OSBPL10: variants seen among roughly 807,000 people sequenced by gnomAD.
OSBPL10 encodes the protein oxysterol-binding protein-related protein 10.
In OSBPL10, 49 loss-of-function variants were observed where a neutral mutation model predicts 81.7. That is an observed-to-expected ratio of 0.60 (90% CI 0.48 to 0.76). OSBPL10 has a LOEUF of 0.76. OSBPL10 is among the 30% of genes least tolerant of loss of function. The probability of loss-of-function intolerance (pLI) is 0.00; values close to 1 mark genes in which losing one functional copy is unlikely to be tolerated. For missense variants in OSBPL10, 923 were observed against 987.8 expected, an observed-to-expected ratio of 0.93 and a Z score of 0.88; for synonymous variants, 419 against 383.6, an observed-to-expected ratio of 1.09 and a Z score of -1.08.
intron 1 of OSBPL10, among the ~76,000 whole-genome samples, chr3:31,891,687 G>T (rs186293715): frequency 6.6e-6 from 1 of 152,164 alleles, no homozygotes; most frequent in Non-Finnish European, 1.5e-5. Context: ...TTTTTGGGGG[G>T]TGCCAGTGCC....
intron 2 of OSBPL10, among the ~76,000 whole-genome samples, chr3:32,021,473 G>A (rs1242295523): frequency 6.6e-6 from 1 of 152,108 alleles, no homozygotes; most frequent in Non-Finnish European, 1.5e-5. Flanking sequence ...AAGGATTCCA[G>A]TTTCTCCACT....
intron 1 of OSBPL10, among the ~76,000 whole-genome samples, chr3:31,891,130 A>G (rs1244836981): frequency 1.3e-5 from 2 of 152,204 alleles, no homozygotes; most frequent in Non-Finnish European, 2.9e-5. Flanking sequence ...CTGAATTCAA[A>G]GTGTCCTTTA....
chr3:31,675,945 CAAA>C (rs773575072), intron 8 of OSBPL10, among the ~76,000 whole-genome samples: 5 of 59,176 alleles, frequency 8.4e-5, no homozygotes, highest in East Asian at 3.7e-4. Context: ...GACTCCATCT[CAAA>C]AAAAAAAAAA....
intron 4 of OSBPL10, among the ~76,000 whole-genome samples, chr3:31,790,845 C>T (rs1219942959): frequency 6.6e-6 from 1 of 152,190 alleles, no homozygotes; most frequent in Admixed American, 6.5e-5. Flanking sequence ...ACCTGGGCTG[C>T]ACATAAAGAT....
chr3:31,678,368 G>C (rs1208988859), intron 8 of OSBPL10, among the ~76,000 whole-genome samples: 1 of 152,184 alleles, frequency 6.6e-6, no homozygotes, highest in East Asian at 1.9e-4. Flanking sequence ...TGAACACATT[G>C]TGTGGGGAAG....
intron 1 of OSBPL10, among the ~76,000 whole-genome samples, chr3:31,894,204 C>T (rs976825533): frequency 1.3e-5 from 2 of 151,992 alleles, no homozygotes; most frequent in African/African-American, 4.8e-5. Flanking sequence ...AGCCCAGGAG[C>T]GGTCGGAGTT....
In OSBPL10 at chr3:31,827,649, A is replaced by T. The variant is rs75707440; in HGVS notation, c.729+2391T>A. On this transcript the variant is annotated intron_variant, in intron 4 of 11. Coordinates refer to ENST00000396556, the MANE Select transcript of OSBPL10 (RefSeq NM_017784.5). ...AGACTCTGTCTCAAAAAAAAAAAAA[A>T]TTTTTTTTAGATTGCTCTGTATAGA... Among the ~76,000 whole-genome samples the T allele has an allele frequency of 4.5e-4, 66 of 147,652 alleles. 1 individual carries two copies. The South Asian group carries it at 4.8e-3, about 11-fold the overall frequency.
intron 1 of OSBPL10, among the ~76,000 whole-genome samples, chr3:31,966,111 A>C (rs1228567919): frequency 2.0e-5 from 3 of 147,900 alleles, no homozygotes; most frequent in Admixed American, 7.0e-5. Context: ...CCTGAACAAC[A>C]TAGCAAGACC....
chr3:32,001,828 C>T (rs1699151374), intron 2 of OSBPL10, among the ~76,000 whole-genome samples: 2 of 152,082 alleles, frequency 1.3e-5, no homozygotes, highest in African/African-American at 4.8e-5. Context: ...AGGACAATGG[C>T]CCCACTCAAT....
At chr3:31,892,961 G>A (rs1695940799) in intron 1 of OSBPL10, among the ~76,000 whole-genome samples, 1 of 152,154 alleles carries the variant, frequency 6.6e-6, no homozygotes, top group African/African-American at 2.4e-5. Context: ...AACTGCAGCA[G>A]AGACCAGAGC....
intron 1 of OSBPL10, among the ~76,000 whole-genome samples, chr3:31,927,408 C>T (rs1337973565): frequency 6.6e-6 from 1 of 152,180 alleles, no homozygotes; most frequent in African/African-American, 2.4e-5. Flanking sequence ...AAGCTAGCTT[C>T]CCTAGTACAA....
chr3:32,044,969 C>G (rs900634467), intron 2 of OSBPL10, among the ~76,000 whole-genome samples: 30 of 152,160 alleles, frequency 2.0e-4, no homozygotes, highest in African/African-American at 7.2e-4. Flanking sequence ...AATGAATGCT[C>G]TACTTTGAAA....
At chr3:31,958,001 G>C (rs1300822200) in intron 1 of OSBPL10, among the ~76,000 whole-genome samples, 1 of 152,190 alleles carries the variant, frequency 6.6e-6, no homozygotes, top group Non-Finnish European at 1.5e-5. Context: ...CTGAAGTATG[G>C]TCATTTGTTT....
At chr3:31,769,744 AC>A (rs2125743562) in intron 4 of OSBPL10, among the ~76,000 whole-genome samples, 1 of 152,096 alleles carries the variant, frequency 6.6e-6, no homozygotes, top group South Asian at 2.1e-4. Flanking sequence ...CCACTAAGGA[AC>A]CCCACCTCAC....
intron 2 of OSBPL10, among the ~76,000 whole-genome samples, chr3:32,039,552 G>A (rs562360514): frequency 7.7e-4 from 116 of 150,002 alleles, no homozygotes; most frequent in Middle Eastern, 3.6e-3. Context: ...CCAGCTTCCC[G>A]GGAGGCTAAG....
chr3:31,926,392 G>A (rs1378530047), intron 1 of OSBPL10, among the ~76,000 whole-genome samples: 1 of 151,492 alleles, frequency 6.6e-6, no homozygotes, highest in Admixed American at 6.6e-5. Flanking sequence ...ATGCTGCTGA[G>A]CAGTCTACAA....
chr3:31,714,414 C>A (rs1696366053), intron 6 of OSBPL10, among the ~76,000 whole-genome samples: 2 of 152,092 alleles, frequency 1.3e-5, no homozygotes, highest in African/African-American at 4.8e-5. Flanking sequence ...AAGGAGCTGG[C>A]AGCAGGCAGG....
At chr3:31,766,321 GTTTTTT>G (rs372182366) in intron 4 of OSBPL10, among the ~76,000 whole-genome samples, 4 of 68,594 alleles carry the variant, frequency 5.8e-5, no homozygotes, top group Non-Finnish European at 1.4e-4. Context: ...GCCCAATGTA[GTTTTTT>G]TGTTTTTTTG....
intron 1 of OSBPL10, among the ~76,000 whole-genome samples, chr3:32,077,164 C>A (rs1699882646): frequency 6.6e-6 from 1 of 152,142 alleles, no homozygotes; most frequent in South Asian, 2.1e-4. Context: ...GTTAGTTCAG[C>A]CTAAGCCCAG....
Sources: gnomAD v4.1 joint callset for allele counts (sites outside exome capture counted in the v4.1 genomes callset) on GRCh38, gnomAD v4.1.1 for gene constraint, MANE v1.5 for transcripts, NCBI Gene and HGNC (gene_info 2026-07-23, HGNC 2026-07-21) for gene names.